Variants in TOPAZ1 observed in about 807,000 individuals in gnomAD.
TOPAZ1 encodes the protein testis and ovary specific TOPAZ 1.
TOPAZ1 carries 66 observed loss-of-function variants against 172.2 expected under a neutral mutation model. The observed-to-expected ratio is 0.38, with a 90% CI of 0.31 to 0.47. The LOEUF is 0.47. Among genes scored for constraint, TOPAZ1 ranks in the 20% least tolerant of loss-of-function variants. TOPAZ1 has a pLI of 0.99. For synonymous variants in TOPAZ1, 681 were observed against 683.9 expected (o/e 1.00, Z 0.07); for missense variants, 1,822 against 1,972.4 (o/e 0.92, Z 1.44).
In TOPAZ1 at chr3:44,245,244, T is replaced by TA; in HGVS notation, c.2745dup (p.Glu916ArgfsTer4). On this transcript the variant is annotated frameshift_variant, in exon 2 of 20. Transcript: ENST00000309765. LOFTEE classifies it high-confidence loss of function. ...GACTCCAAGTACATGGAAACTCCAG[T>TA]AAAAAAAGAACCAAGTGATGACTTA... is the stretch of plus-strand genomic sequence containing the variant. 1.3e-6 allele frequency: 2 copies of TA among 1,538,868 alleles called. No individual in the cohort carries two copies. The highest frequency in any genetic ancestry group is 1.2e-5 in the South Asian group (1 of 81,226).
chr3:44,290,782 C>A lies in TOPAZ1; in HGVS notation c.3693C>A (p.Ala1231=). 1 of 1,544,460 alleles carries A rather than the reference C, an allele frequency of 6.5e-7. No individual in the cohort carries two copies. Among genetic ancestry groups the A allele is most frequent in the Non-Finnish European group, 8.7e-7 (1 of 1,144,398 alleles). Residue 1231 remains alanine (A), a synonymous_variant, in exon 12 of 20, where the codon GCC becomes GCA. Transcript: ENST00000309765. ...LIDIFCKLVE[A]GMVLDPEHFN... is the part of the protein sequence containing the mutation. ...TTTCTCTTCTACAGCTTGTTGAAGC[C>A]GGGATGGTGCTTGACCCAGAGCACT...
At chr3:44,248,420 T>C (rs766480515) in intron 2 of TOPAZ1, among the ~76,000 whole-genome samples, 4 of 152,216 alleles carry the variant, frequency 2.6e-5, no homozygotes, top group Non-Finnish European at 5.9e-5. Flanking sequence ...TTTATCTACT[T>C]CTAAAGTTTC....
chr3:44,287,989 G>A, intron 11 of TOPAZ1, 150 bp downstream of exon 11: 1 of 571,376 alleles, frequency 1.8e-6, no homozygotes, highest in Non-Finnish European at 3.0e-6. Context: ...TCTTGAAATA[G>A]GGTTTATAAA....
chr3:44,246,835 T>A (rs1699572555), intron 2 of TOPAZ1, among the ~76,000 whole-genome samples: 1 of 152,172 alleles, frequency 6.6e-6, no homozygotes, highest in Admixed American at 6.6e-5. Context: ...AGGATTAAAT[T>A]AAATAATGAA....
rs1270992609 is a variant in TOPAZ1 at position 44,242,879 on chromosome 3, G to A, written c.373G>A (p.Ala125Thr). The A allele has an allele frequency of 2.0e-6, 3 of 1,511,774 alleles. No individual in the cohort carries two copies. The highest frequency in any genetic ancestry group is 2.6e-5 in the Admixed American group (1 of 38,676). The allele number at this position is 1,511,774 out of a possible 1,614,324, so 93.6% of individuals were successfully genotyped here. A position where few individuals can be genotyped will look rare whatever the true frequency, so the allele number is the denominator to read the frequency against. The change falls in exon 2 of 20, where the codon GCC becomes ACC. Residue 125 changes from alanine to threonine, a missense_variant. Ala to Thr is a moderately conservative substitution (Grantham distance 58). Around this residue, in one of 2 missense-constraint regions of TOPAZ1, gnomAD observed 1,489 missense variants for 1,490.8 expected, o/e 1.00. Transcript: ENST00000309765. ...HTKEKRKVTE[A>T]SSDDPQPGLD... Reference sequence around the variant, plus strand: ...CAAGGAAAAAAGAAAAGTTACTGAAGCCTCAAGTGATGATCCACAGCCAGG... The same window carrying A: ...CAAGGAAAAAAGAAAAGTTACTGAAACCTCAAGTGATGATCCACAGCCAGG...
intron 16 of TOPAZ1, among the ~76,000 whole-genome samples, chr3:44,312,618 A>C (rs1700408818): frequency 6.6e-6 from 1 of 152,170 alleles, no homozygotes; most frequent in Non-Finnish European, 1.5e-5. Flanking sequence ...TTGACATTTC[A>C]AACTCTTTCT....
chr3:44,243,359 G>A lies in TOPAZ1; in HGVS notation c.853G>A (p.Glu285Lys), dbSNP rs181167027. ...NSIPQLLQTE[E>K]NVMGVNKLLP... ...TATTCCTCAGCTCTTACAAACAGAA[G>A]AAAATGTAATGGGAGTAAATAAGTT... The change falls in exon 2 of 20, where the codon GAA becomes AAA. Residue 285 changes from glutamate to lysine, a missense_variant. By Grantham distance (56) the Glu-to-Lys change is moderately conservative. Transcript: ENST00000309765. 7.7e-5 allele frequency: 119 copies of A among 1,550,998 alleles called. No homozygotes were observed. The East Asian group carries it at 2.1e-3, about 27-fold the overall frequency.
intron 8 of TOPAZ1, among the ~76,000 whole-genome samples, chr3:44,271,547 T>G (rs968368401): frequency 6.6e-6 from 1 of 152,156 alleles, no homozygotes. Context: ...TGTATGTATA[T>G]CTATATATAT....
In TOPAZ1 at chr3:44,287,784, T is replaced by C; in HGVS notation, c.3626T>C (p.Val1209Ala). 1 of 1,513,426 alleles carries C rather than the reference T, an allele frequency of 6.6e-7. No homozygotes were observed. The highest frequency in any genetic ancestry group is 2.2e-5 in the Admixed American group (1 of 46,044). 93.7% of individuals were successfully genotyped at this position (1,513,426 alleles called of 1,614,324 possible). Reference protein sequence around the residue: ...LKILLNIFEYVATMKLRNAVP... With the variant: ...LKILLNIFEYAATMKLRNAVP... ...ATATTACTAAACATATTTGAGTATGTGGCAACTATGAAATTAAGGAATGCT... is the reference window on the plus strand; with the variant it reads ...ATATTACTAAACATATTTGAGTATGCGGCAACTATGAAATTAAGGAATGCT... Residue 1209 changes from valine (V) to alanine (A), a missense_variant, in exon 11 of 20, where the codon GTG (valine) becomes GCG (alanine). Coordinates refer to ENST00000309765, the MANE Select transcript of TOPAZ1 (RefSeq NM_001145030.2).
rs148889328 is a variant in TOPAZ1 at position 44,317,376 on chromosome 3, G to A, written c.4307-3651G>A. ...GCAGAGGTTGCAGTGAGCCAAGATC[G>A]CGGCACTGCACTTCAGCCTGGGCAA... On this transcript the variant is annotated intron_variant, in intron 16 of 19. Coordinates refer to ENST00000309765, the MANE Select transcript of TOPAZ1 (RefSeq NM_001145030.2). Among the ~76,000 whole-genome samples, 59 of 152,260 alleles carry A rather than the reference G, an allele frequency of 3.9e-4. 2 individuals carry two copies. The highest frequency in any genetic ancestry group is 3.1e-3 in the Admixed American group (47 of 15,290).
At chr3:44,318,829 A>C (rs1700479772) in intron 16 of TOPAZ1, among the ~76,000 whole-genome samples, 1 of 147,740 alleles carries the variant, frequency 6.8e-6, no homozygotes, top group South Asian at 2.1e-4. Flanking sequence ...TATATATTTT[A>C]TATAATTATA....
At chr3:44,285,240 A>G (rs1700065095) in intron 9 of TOPAZ1, among the ~76,000 whole-genome samples, 1 of 152,106 alleles carries the variant, frequency 6.6e-6, no homozygotes, top group African/African-American at 2.4e-5. Flanking sequence ...AGGTGGGTGG[A>G]TTGCTTGAGC....
chr3:44,314,958 A>G (rs1041236182), intron 16 of TOPAZ1, among the ~76,000 whole-genome samples: 7 of 152,038 alleles, frequency 4.6e-5, no homozygotes, highest in African/African-American at 1.7e-4. Flanking sequence ...CCTAAACCAT[A>G]CCCCCTCAAG....
At chr3:44,319,137 C>G (rs1272899541) in intron 16 of TOPAZ1, among the ~76,000 whole-genome samples, 1 of 152,056 alleles carries the variant, frequency 6.6e-6, no homozygotes, top group African/African-American at 2.4e-5. Flanking sequence ...GGAACCAAGG[C>G]AAGGCGGGGA....
At chr3:44,327,618 C>G (rs370209587) in intron 18 of TOPAZ1, among the ~76,000 whole-genome samples, 10 of 152,218 alleles carry the variant, frequency 6.6e-5, no homozygotes, top group African/African-American at 2.2e-4. Flanking sequence ...CTATAAATAA[C>G]TGTGCTCAAA....
chr3:44,292,406 C>T (rs1019731625), intron 12 of TOPAZ1, among the ~76,000 whole-genome samples: 5 of 152,198 alleles, frequency 3.3e-5, no homozygotes, highest in East Asian at 1.9e-4. Flanking sequence ...TTCCCCAGAG[C>T]GATATGTGAA....
chr3:44,250,240 T>C, intron 2 of TOPAZ1, among the ~76,000 whole-genome samples: 1 of 49,918 alleles, frequency 2.0e-5, no homozygotes, highest in African/African-American at 6.2e-5. Context: ...TACCATGAAA[T>C]GACAAAAAAA....
At chr3:44,325,696 T>G (rs1248553572) in intron 18 of TOPAZ1, among the ~76,000 whole-genome samples, 1 of 151,320 alleles carries the variant, frequency 6.6e-6, no homozygotes, top group Non-Finnish European at 1.5e-5. Context: ...TAGGCTGGAG[T>G]ACAGTGGCGC....
intron 19 of TOPAZ1, among the ~76,000 whole-genome samples, chr3:44,330,191 T>C (rs1007432223): frequency 3.9e-5 from 6 of 152,188 alleles, no homozygotes; most frequent in African/African-American, 1.4e-4. Flanking sequence ...AGTTCTTTTT[T>C]TCAGAGGGCT....
Sources: gnomAD v4.1 joint callset for allele counts (sites outside exome capture counted in the v4.1 genomes callset) on GRCh38, gnomAD v4.1.1 for gene constraint, gnomAD v4.1.1 regional missense constraint, MANE v1.5 for transcripts, NCBI Gene and HGNC (gene_info 2026-07-23, HGNC 2026-07-21) for gene names.